The following PHYKPL variants were observed in gnomAD, a reference collection of about 807,000 sequenced individuals.
PHYKPL encodes the protein 5-phosphohydroxy-L-lysine phospho-lyase.
PHYKPL carries 42 observed loss-of-function variants against 51.3 expected under a neutral mutation model. That is an observed-to-expected ratio of 0.82 (90% CI 0.64 to 1.06). PHYKPL has a LOEUF of 1.06. Among genes scored for constraint, PHYKPL ranks in the 50% least tolerant of loss-of-function variants. PHYKPL has a pLI of 0.00. For missense variants in PHYKPL, 655 were observed against 586.6 expected (o/e 1.12, Z -1.20); for synonymous variants, 264 against 236.0 (o/e 1.12, Z -1.09).
At chr5:178,226,222 C>T (rs1178864262) in intron 3 of PHYKPL, 1 of 151,660 alleles carries the variant, frequency 6.6e-6, no homozygotes, top group Non-Finnish European at 1.5e-5. Context: ...ATTACAGGCG[C>T]CCACCACGAT....
At chr5:178,214,452 C>T (rs1010195907) in intron 10 of PHYKPL, among the ~76,000 whole-genome samples, 4 of 152,262 alleles carry the variant, frequency 2.6e-5, no homozygotes, top group East Asian at 3.9e-4. Context: ...TTCCCTTCTC[C>T]AGGCCAAGGT....
intron 8 of PHYKPL, among the ~76,000 whole-genome samples, chr5:178,219,333 TACACACACACACAG>T (rs1247024994): frequency 6.6e-6 from 1 of 150,830 alleles, no homozygotes. Context: ...TGTTGGTATA[TACACACACACACAG>T]ACACACACAC....
chr5:178,232,436 C>T, intron 1 of PHYKPL, 56 bp downstream of exon 1: 3 of 1,375,756 alleles, frequency 2.2e-6, no homozygotes, highest in South Asian at 1.7e-5. Context: ...GTCGTGCGTG[C>T]GCGTGCCTCT....
chr5:178,207,430 C>T (rs774678904), downstream of PHYKPL, among the ~76,000 whole-genome samples: 5 of 152,184 alleles, frequency 3.3e-5, no homozygotes, highest in East Asian at 1.9e-4. Context: ...ATAAACAACA[C>T]AGGATGTGAG....
intron 1 of PHYKPL, 47 bp downstream of exon 1, chr5:178,232,445 C>A: frequency 7.2e-7 from 1 of 1,379,714 alleles, no homozygotes; most frequent in Non-Finnish European, 9.3e-7. Context: ...GCGCGTGCCT[C>A]TCCGCGCAGC....
intron 6 of PHYKPL, chr5:178,223,839 C>T: frequency 4.3e-6 from 1 of 234,722 alleles, no homozygotes. Flanking sequence ...TCCATCTCCA[C>T]CATACTGCCC....
chr5:178,229,849 C>T (rs1763025213), intron 3 of PHYKPL, 91 bp downstream of exon 3: 1 of 1,507,184 alleles, frequency 6.6e-7, no homozygotes, highest in African/African-American at 1.4e-5. Context: ...CGAGTCCACA[C>T]TCGGTCAGCT....
chr5:178,213,016 G>A lies in PHYKPL; in HGVS notation c.1260C>T (p.Asp420=), dbSNP rs1387372979. 7 of 1,614,202 alleles carry A rather than the reference G, an allele frequency of 4.3e-6. No individual in the cohort carries two copies. In the East Asian group the frequency reaches 8.9e-5, roughly 21 times the overall value. Residue 420 remains aspartate, a synonymous_variant, in exon 11 of 13, where the codon GAC becomes GAT. Coordinates refer to ENST00000308158, the MANE Select transcript of PHYKPL (RefSeq NM_153373.4). ...GCTTTGCCACCACCTGCCGTGCATT[G>A]TCCAGGCTGAAGCACATTGGGGGCT... ...KFKPPMCFSL[D]NARQVVAKLD... is the part of the protein sequence containing the mutation.
At chr5:178,225,968 T>TG (rs1762201811) in intron 3 of PHYKPL, 1 of 157,808 alleles carries the variant, frequency 6.3e-6, no homozygotes, top group Admixed American at 6.1e-5. Flanking sequence ...TTTGCAGAGA[T>TG]GGGGTCTCAC....
At chr5:178,223,625 C>G in intron 6 of PHYKPL, 1 of 374,394 alleles carries the variant, frequency 2.7e-6, no homozygotes, top group South Asian at 2.0e-5. Flanking sequence ...CGCAGAGCAC[C>G]TGAAACACAC....
chr5:178,216,434 T>G (rs570001043), intron 8 of PHYKPL: 69 of 152,306 alleles, frequency 4.5e-4, no homozygotes, highest in African/African-American at 1.6e-3. Flanking sequence ...TAAGGAGATC[T>G]AATGGTTAGA....
intron 7 of PHYKPL, 37 bp downstream of exon 7, chr5:178,222,815 C>T: frequency 6.2e-7 from 1 of 1,608,556 alleles, no homozygotes; most frequent in Non-Finnish European, 8.5e-7. Flanking sequence ...CATTAGACCC[C>T]TGCCCTCCCT....
intron 3 of PHYKPL, among the ~76,000 whole-genome samples, chr5:178,227,296 G>A (rs1762493834): frequency 6.6e-6 from 1 of 152,236 alleles, no homozygotes; most frequent in Admixed American, 6.5e-5. Context: ...GCCAAGGAGA[G>A]AGGCCTTAGA....
At chr5:178,221,846 T>C (rs1282963603) in intron 8 of PHYKPL, among the ~76,000 whole-genome samples, 2 of 152,196 alleles carry the variant, frequency 1.3e-5, no homozygotes, top group Non-Finnish European at 2.9e-5. Context: ...GGCTCTTTCC[T>C]GTGGGGCTCG....
At position 178,222,443 on chromosome 5, in the gene PHYKPL, A is replaced by G. The variant is rs751089152; in HGVS notation, c.839T>C (p.Ile280Thr). The G allele has an allele frequency of 1.1e-5, 17 of 1,614,124 alleles. No homozygotes were observed. Among genetic ancestry groups the G allele is most frequent in the Admixed American group, 1.7e-5 (1 of 60,012 alleles). The change falls in exon 8 of 13, where the codon ATT becomes ACT. Residue 280 changes from isoleucine to threonine, a missense_variant. Physicochemically the swap from Ile to Thr is moderately conservative, Grantham distance 89 (BLOSUM62 -1). Transcript: ENST00000308158. ...GCAGGCAACAGGGTGGCCGTTGCCA[A>G]TGGACTTGCCCATGGTGACGATGTC... is the stretch of plus-strand genomic sequence containing the variant. The part of the protein sequence containing the change: ...VPDIVTMGKS[I>T]GNGHPVACVA...
intron 3 of PHYKPL, among the ~76,000 whole-genome samples, chr5:178,227,176 C>G (rs552690675): frequency 5.3e-5 from 8 of 152,026 alleles, no homozygotes; most frequent in African/African-American, 1.9e-4. Flanking sequence ...ATGAGGCCGT[C>G]AGGGGGCCCC....
At position 178,212,092 on chromosome 5, in the gene PHYKPL, A is replaced by G. The variant is rs1199050323; in HGVS notation, c.1304-122T>C. The G allele has an allele frequency of 1.1e-5, 11 of 999,858 alleles. No homozygotes were observed. In the Admixed American group the frequency reaches 2.3e-4, roughly 21 times the overall value. 61.9% of individuals were successfully genotyped at this position (999,858 alleles called of 1,614,324 possible). A position where few individuals can be genotyped will look rare whatever the true frequency, so the allele number is the denominator to read the frequency against. On this transcript the variant is annotated intron_variant, in intron 11 of 12. Transcript: ENST00000308158. ...TTGGGCCCTCTGGCTATCCACACCC[A>G]TGTCCCATTCCCCAAAGGGGTGGCA...
intron 8 of PHYKPL, 115 bp downstream of exon 8, chr5:178,222,240 G>A: frequency 1.1e-6 from 1 of 875,442 alleles, no homozygotes; most frequent in South Asian, 1.9e-5. Context: ...CAGCGTCTTG[G>A]AAGCGTGTGC....
At chr5:178,225,456 G>A in intron 3 of PHYKPL, 27 bp from the exon 4 acceptor site, 7 of 1,612,994 alleles carry the variant, frequency 4.3e-6, no homozygotes, top group East Asian at 2.2e-5. Flanking sequence ...GGGCATGACT[G>A]AGAGAGTAGT....
Sources: gnomAD v4.1 joint callset for allele counts (sites outside exome capture counted in the v4.1 genomes callset) on GRCh38, gnomAD v4.1.1 for gene constraint, MANE v1.5 for transcripts, NCBI Gene and HGNC (gene_info 2026-07-23, HGNC 2026-07-21) for gene names.